The following TBCK variants were observed in gnomAD, a reference collection of about 807,000 sequenced individuals.
TBCK encodes TBC1 domain containing kinase.
Under a neutral mutation model 113.4 loss-of-function variants are expected in TBCK, and 99 were observed. That is an observed-to-expected ratio of 0.87 (90% CI 0.74 to 1.03). The LOEUF (loss-of-function observed/expected upper bound fraction) is 1.03, where lower values mean the gene tolerates loss of function less well. Ranked by LOEUF, TBCK falls within the 50% of genes least tolerant of loss-of-function variation. The pLI, the probability that TBCK is intolerant of heterozygous loss-of-function variation, is 0.00. For synonymous variants in TBCK, 369 were observed against 370.8 expected (o/e 1.00, Z 0.05); for missense variants, 1,045 against 1,061.3 (o/e 0.98, Z 0.21).
intron 12 of TBCK, 70 bp from the exon 13 acceptor site, chr4:106,236,878 G>T: frequency 1.2e-6 from 1 of 845,020 alleles, no homozygotes; most frequent in South Asian, 2.5e-5. Flanking sequence ...TGTTTAAAAA[G>T]ACAAGTAATA....
At chr4:106,046,728 C>G (rs1479070788) in intron 25 of TBCK, 48 bp from the exon 26 acceptor site, 7 of 884,128 alleles carry the variant, frequency 7.9e-6, no homozygotes, top group Non-Finnish European at 1.3e-5. Flanking sequence ...CAGAAGACAT[C>G]TCCAACCTCA....
chr4:106,165,823 T>C (rs1750303533), intron 23 of TBCK, among the ~76,000 whole-genome samples: 1 of 151,656 alleles, frequency 6.6e-6, no homozygotes, highest in African/African-American at 2.4e-5. Context: ...TTCAAGATTA[T>C]ATGAAGAAAA....
Position 106,309,300 on chromosome 4 carries a change from CTTCTCTTTTTTTTT to C in TBCK, c.-29-325_-29-312del, listed in dbSNP as rs1767906578. On this transcript the variant is annotated intron_variant, in intron 1 of 25. Transcript: ENST00000394708. ...GCATCTTCATATTATTAATAAGGCT[CTTCTCTTTTTTTTT>C]TTTTTTTTTTTTTTTTTTGAGACAG... 7.2e-5 allele frequency among the ~76,000 whole-genome samples: 10 copies of C among 138,454 alleles called. No homozygotes were observed. The South Asian group carries it at 2.3e-3, about 32-fold the overall frequency. The allele number at this position is 138,454 out of a possible 152,430, so 90.8% of individuals were successfully genotyped here.
At chr4:106,295,975 G>T (rs1766258475) in intron 2 of TBCK, among the ~76,000 whole-genome samples, 2 of 152,110 alleles carry the variant, frequency 1.3e-5, no homozygotes, top group Admixed American at 1.3e-4. Flanking sequence ...AAGTGGATGT[G>T]TGCAGTCCAA....
At chr4:106,058,104 T>G (rs925424377) in intron 25 of TBCK, among the ~76,000 whole-genome samples, 39 of 151,788 alleles carry the variant, frequency 2.6e-4, no homozygotes, top group African/African-American at 8.5e-4. Flanking sequence ...ATTGAGTGTT[T>G]TCTATTTGAA....
chr4:106,294,672 A>G (rs923590000), intron 3 of TBCK, among the ~76,000 whole-genome samples: 6 of 151,468 alleles, frequency 4.0e-5, no homozygotes, highest in African/African-American at 1.5e-4. Flanking sequence ...TAGTAGAGAC[A>G]GGGTTTCACC....
In TBCK at chr4:106,043,248, A is replaced by G. The variant is rs1733963789; in HGVS notation, c.*3322T>C. 1 of 152,090 alleles carries G rather than the reference A, an allele frequency of 6.6e-6. No individual in the cohort carries two copies. Among genetic ancestry groups the G allele is most frequent in the Non-Finnish European group, 1.5e-5 (1 of 68,014 alleles). The allele number at this position is 152,090 out of a possible 1,614,324, so 9.4% of individuals were successfully genotyped here. On this transcript the variant is annotated 3_prime_UTR_variant, in exon 26 of 26. Transcript: ENST00000394708. ...GGATGCAACTAGATTAAATTACCTT[A>G]TTTTGGAAGTTATCTGCTCCAACTT... is the stretch of plus-strand genomic sequence containing the variant.
chr4:106,186,525 A>T (rs1442717153), intron 22 of TBCK, among the ~76,000 whole-genome samples: 1 of 152,154 alleles, frequency 6.6e-6, no homozygotes, highest in African/African-American at 2.4e-5. Flanking sequence ...GGCCATACAG[A>T]TGTCTTCTTT....
intron 23 of TBCK, among the ~76,000 whole-genome samples, chr4:106,132,288 C>G (rs913697040): frequency 2.2e-4 from 33 of 152,172 alleles, no homozygotes; most frequent in African/African-American, 7.7e-4. Flanking sequence ...TCTATGAAGC[C>G]TCATGACATG....
At chr4:106,284,050 A>G (rs1003705082) in intron 3 of TBCK, among the ~76,000 whole-genome samples, 34 of 152,180 alleles carry the variant, frequency 2.2e-4, no homozygotes, top group Admixed American at 1.5e-3. Context: ...TTGTTGCAAG[A>G]TAACAAGTCT....
intron 12 of TBCK, among the ~76,000 whole-genome samples, chr4:106,240,902 AG>A (rs1433900169): frequency 1.3e-5 from 2 of 152,066 alleles, no homozygotes; most frequent in Non-Finnish European, 2.9e-5. Flanking sequence ...GTTTCTATGC[AG>A]GGCCATATGA....
intron 5 of TBCK, among the ~76,000 whole-genome samples, chr4:106,254,532 A>C (rs1761778509): frequency 6.6e-6 from 1 of 152,188 alleles, no homozygotes; most frequent in Non-Finnish European, 1.5e-5. Flanking sequence ...ATGAATGAGA[A>C]GTTCTTATCT....
intron 23 of TBCK, among the ~76,000 whole-genome samples, chr4:106,159,531 A>G (rs1181673218): frequency 1.3e-5 from 2 of 152,096 alleles, no homozygotes; most frequent in Admixed American, 1.3e-4. Flanking sequence ...AATTTGATTT[A>G]CAATAGCATC....
intron 25 of TBCK, among the ~76,000 whole-genome samples, chr4:106,086,762 G>A (rs6824682): frequency 0.28 from 42,527 of 152,106 alleles, 6,224 homozygotes; most frequent in Middle Eastern, 0.34. Flanking sequence ...TCCCTGCGAT[G>A]TAAAGCTGGC....
At chr4:106,211,358 T>C (rs1756108445) in intron 20 of TBCK, among the ~76,000 whole-genome samples, 1 of 152,112 alleles carries the variant, frequency 6.6e-6, no homozygotes, top group African/African-American at 2.4e-5. Context: ...TTTTTATTCT[T>C]TAATTTTAAA....
intron 25 of TBCK, among the ~76,000 whole-genome samples, chr4:106,050,323 C>T (rs1320037318): frequency 6.6e-6 from 1 of 151,840 alleles, no homozygotes; most frequent in African/African-American, 2.4e-5. Context: ...AATACTTGAA[C>T]AATGCAATTA....
At chr4:106,089,952 A>G (rs545579279) in intron 25 of TBCK, among the ~76,000 whole-genome samples, 2 of 152,180 alleles carry the variant, frequency 1.3e-5, no homozygotes, top group Non-Finnish European at 2.9e-5. Context: ...TGGCTCTACC[A>G]GTCTCAGGTC....
rs770938250 is a variant in TBCK at position 106,308,763 on chromosome 4, C to G, written c.193+5G>C. 4 of 1,602,244 alleles carry G rather than the reference C, an allele frequency of 2.5e-6. No homozygotes were observed. The South Asian group carries it at 4.5e-5, about 18-fold the overall frequency. The stretch of plus-strand genomic sequence containing the variant: ...ATAAATAGGAAAAAAAAGAAAATAA[C>G]TTACCATGCTTTCCCCTAGAAATAT... On this transcript the variant is annotated splice_donor_5th_base_variant and intron_variant, in intron 2 of 25. Transcript: ENST00000394708.
intron 19 of TBCK, among the ~76,000 whole-genome samples, chr4:106,218,513 A>C (rs1757263061): frequency 7.9e-6 from 1 of 127,186 alleles, no homozygotes; most frequent in African/African-American, 3.0e-5. Context: ...GAACTCAAAC[A>C]AATTTACAAG....
Sources: allele counts gnomAD v4.1 joint callset (sites outside exome capture counted in the v4.1 genomes callset), GRCh38; gene constraint gnomAD v4.1.1; transcripts MANE v1.5; gene names NCBI Gene and HGNC (gene_info 2026-07-23, HGNC 2026-07-21).